Variants in MTA3 observed in about 807,000 individuals in gnomAD.
MTA3 encodes metastasis associated 1 family member 3, also known as metastasis-associated protein MTA3.
In MTA3, 34 loss-of-function variants were observed where a neutral mutation model predicts 83.5. The ratio of observed to expected loss-of-function variants is 0.41; its 90% CI spans 0.31 to 0.54. The LOEUF is 0.54. Among genes scored for constraint, MTA3 ranks in the 20% least tolerant of loss-of-function variants. The pLI is 0.33. For missense variants in MTA3, 761 were observed against 726.4 expected, an observed-to-expected ratio of 1.05 and a Z score of -0.55; for synonymous variants, 303 against 252.7, an observed-to-expected ratio of 1.20 and a Z score of -1.89.
chr2:42,605,194 C>A (rs1293114818), intron 3 of MTA3, among the ~76,000 whole-genome samples: 1 of 121,772 alleles, frequency 8.2e-6, no homozygotes, highest in Non-Finnish European at 1.8e-5. Flanking sequence ...CCGGACGGGG[C>A]GGCTGGCCGG....
intron 3 of MTA3, among the ~76,000 whole-genome samples, chr2:42,601,607 T>C (rs561074198): frequency 6.6e-6 from 1 of 152,308 alleles, no homozygotes; most frequent in African/African-American, 2.4e-5. Context: ...AGGCCAGTCT[T>C]GAACTTCCAG....
intron 2 of MTA3, among the ~76,000 whole-genome samples, chr2:42,536,615 T>C (rs1385016603): frequency 1.3e-5 from 2 of 151,946 alleles, no homozygotes; most frequent in African/African-American, 2.4e-5. Context: ...ATCCCAGCAC[T>C]TTGGGAGGCT....
chr2:42,598,130 T>C (rs973166569), intron 3 of MTA3, among the ~76,000 whole-genome samples: 6 of 152,104 alleles, frequency 3.9e-5, no homozygotes, highest in African/African-American at 1.4e-4. Flanking sequence ...CGGAGTGCAG[T>C]GGCATGATCT....
intron 2 of MTA3, among the ~76,000 whole-genome samples, chr2:42,576,445 T>C (rs1679037486): frequency 6.6e-6 from 1 of 152,120 alleles, no homozygotes; most frequent in Admixed American, 6.6e-5. Context: ...GTTGTTAACA[T>C]GATGGGAAAA....
At chr2:42,739,047 G>C (rs7595984) in intron 16 of MTA3, among the ~76,000 whole-genome samples, 27,991 of 151,996 alleles carry the variant, frequency 0.18, 2,668 homozygotes, top group South Asian at 0.31. Context: ...CTTGCCTTGT[G>C]ATATTCTATT....
At chr2:42,524,873 T>A (rs1404688285) in intron 2 of MTA3, among the ~76,000 whole-genome samples, 1 of 16,184 alleles carries the variant, frequency 6.2e-5, no homozygotes, top group African/African-American at 2.9e-4. Flanking sequence ...AAGGCCACCT[T>A]CCAGGCCTGA....
rs1238746385 is a variant in MTA3 at position 42,742,185 on chromosome 2, C to T, written c.1760-11189C>T. ...AAGCAGACTCGCCCTGTTGCCCAGG[C>T]TGAAGTGCAGTGGCATGATCTCAGC... On this transcript the variant is annotated intron_variant, in intron 16 of 16. Transcript: ENST00000405094. 3.3e-5 allele frequency among the ~76,000 whole-genome samples: 5 copies of T among 151,152 alleles called. No homozygotes were observed. In the South Asian group the frequency reaches 6.3e-4, roughly 19 times the overall value.
intron 16 of MTA3, chr2:42,723,243 C>T: frequency 1.7e-6 from 1 of 583,400 alleles, no homozygotes; most frequent in Non-Finnish European, 2.9e-6. Context: ...TTATTTGCTC[C>T]CATCTCCTGT....
chr2:42,660,803 AAT>A (rs761969869), intron 8 of MTA3, among the ~76,000 whole-genome samples: 1 of 152,212 alleles, frequency 6.6e-6, no homozygotes, highest in Non-Finnish European at 1.5e-5. Flanking sequence ...CTTTTCATAA[AAT>A]ATTTATTTTG....
chr2:42,588,334 G>C (rs528251642), intron 3 of MTA3, among the ~76,000 whole-genome samples: 2 of 152,282 alleles, frequency 1.3e-5, no homozygotes, highest in African/African-American at 4.8e-5. Flanking sequence ...AGCTCCTGCT[G>C]TGTACTGGAC....
At chr2:42,496,160 C>G (rs1443218102) in intron 2 of MTA3, among the ~76,000 whole-genome samples, 2 of 152,148 alleles carry the variant, frequency 1.3e-5, no homozygotes, top group African/African-American at 2.4e-5. Context: ...GAAGAAATAT[C>G]TCATTTTAAA....
At chr2:42,568,835 G>T (rs1678117150) in intron 1 of MTA3, 62 bp downstream of exon 1, 1 of 1,208,828 alleles carries the variant, frequency 8.3e-7, no homozygotes, top group Non-Finnish European at 1.0e-6. Flanking sequence ...GGGGGCCGGG[G>T]CGAGTGCACG....
intron 4 of MTA3, among the ~76,000 whole-genome samples, chr2:42,622,072 G>A (rs1313732400): frequency 4.6e-5 from 7 of 151,760 alleles, no homozygotes; most frequent in African/African-American, 2.4e-5. Flanking sequence ...GGTGGAGGTT[G>A]TAGCGAGCCG....
chr2:42,735,942 C>T (rs974995764), intron 16 of MTA3, among the ~76,000 whole-genome samples: 1 of 152,108 alleles, frequency 6.6e-6, no homozygotes, highest in African/African-American at 2.4e-5. Flanking sequence ...TCACTGGTGT[C>T]TTATTTAGCT....
At chr2:42,744,955 T>C (rs889772959) in intron 16 of MTA3, among the ~76,000 whole-genome samples, 4 of 152,224 alleles carry the variant, frequency 2.6e-5, no homozygotes, top group African/African-American at 9.7e-5. Flanking sequence ...GAAGAATTTG[T>C]CACAGTCTAG....
chr2:42,660,571 C>T (rs945346368), intron 8 of MTA3, among the ~76,000 whole-genome samples: 1 of 152,128 alleles, frequency 6.6e-6, no homozygotes. Context: ...AAAAGTGGAC[C>T]TGTGAGTTTT....
intron 2 of MTA3, among the ~76,000 whole-genome samples, chr2:42,575,560 T>TAA (rs35207640): frequency 2.0e-5 from 3 of 147,832 alleles, no homozygotes; most frequent in African/African-American, 7.4e-5. Context: ...GCAAGGGTGA[T>TAA]AAAAAAAAAA....
rs547554071 is a variant in MTA3, at chr2:42,732,059, G to GTA, written c.1759+9025_1759+9026dup. Among the ~76,000 whole-genome samples the GTA allele has an allele frequency of 1.3e-4, 20 of 152,348 alleles. No individual in the cohort carries two copies. In the East Asian group the frequency reaches 2.9e-3, roughly 22 times the overall value. On this transcript the variant is annotated intron_variant, in intron 16 of 16. Transcript: ENST00000405094. ...CTGACAAAATGACCTGGTACACAGTGTAAACTGTTGGTGGATCTGCCATTC... is the reference window on the plus strand; with the variant it reads ...CTGACAAAATGACCTGGTACACAGTGTATAAACTGTTGGTGGATCTGCCATTC...
intron 16 of MTA3, 193 bp downstream of exon 16, chr2:42,723,228 G>A: frequency 3.1e-6 from 2 of 643,742 alleles, no homozygotes; most frequent in Non-Finnish European, 5.1e-6. Context: ...CCCATCAGGA[G>A]GTACTTATTT....
Sources: gnomAD v4.1 joint callset for allele counts (sites outside exome capture counted in the v4.1 genomes callset) on GRCh38, gnomAD v4.1.1 for gene constraint, MANE v1.5 for transcripts, NCBI Gene and HGNC (gene_info 2026-07-23, HGNC 2026-07-21) for gene names.